Variants in NUP188 observed in about 807,000 individuals in gnomAD.
NUP188 encodes nucleoporin 188.
In NUP188, 97 loss-of-function variants were observed where a neutral mutation model predicts 223.0. The ratio of observed to expected loss-of-function variants is 0.43; its 90% CI spans 0.37 to 0.51. The LOEUF is 0.51. Among genes scored for constraint, NUP188 ranks in the 20% least tolerant of loss-of-function variants. NUP188 has a pLI of 0.00. For missense variants in NUP188, 1,947 were observed against 2,175.6 expected, an observed-to-expected ratio of 0.89 and a Z score of 2.09; for synonymous variants, 869 against 828.0, an observed-to-expected ratio of 1.05 and a Z score of -0.85.
intron 12 of NUP188, among the ~76,000 whole-genome samples, chr9:128,977,183 G>A (rs1427613282): frequency 1.3e-5 from 2 of 148,472 alleles, no homozygotes; most frequent in Admixed American, 1.4e-4. Context: ...GCAGTGGCGC[G>A]ATCTCGGCTC....
intron 2 of NUP188, among the ~76,000 whole-genome samples, chr9:128,950,622 A>G (rs923143123): frequency 2.0e-5 from 3 of 151,908 alleles, no homozygotes; most frequent in African/African-American, 4.8e-5. Flanking sequence ...AGAAGGATCA[A>G]TTGAGTGCAC....
At position 129,002,644 on chromosome 9, in the gene NUP188, T is replaced by C. The variant is rs17452520; in HGVS notation, c.4138-173T>C. The stretch of plus-strand genomic sequence containing the variant: ...TCTTGTGTCTCAGCCTGGTGCTCTT[T>C]CCTTGAATCTGCTGGTGTTGGCCCC... On this transcript the variant is annotated intron_variant, in intron 36 of 43. Coordinates refer to ENST00000372577, the MANE Select transcript of NUP188 (RefSeq NM_015354.3). 2.4e-3 allele frequency among the ~76,000 whole-genome samples: 372 copies of C among 152,354 alleles called. 7 individuals carry two copies. The East Asian group carries it at 0.042, about 17-fold the overall frequency.
chr9:128,964,193 C>A, intron 8 of NUP188: 2 of 301,602 alleles, frequency 6.6e-6, no homozygotes, highest in Admixed American at 4.9e-5. Context: ...CTTACACCTT[C>A]TTCAGTCAAG....
At chr9:128,995,958 T>C (rs1217448960) in intron 30 of NUP188, among the ~76,000 whole-genome samples, 1 of 152,198 alleles carries the variant, frequency 6.6e-6, no homozygotes, top group African/African-American at 2.4e-5. Flanking sequence ...TTCTAGAAAC[T>C]GCATTTCCTG....
chr9:128,999,196 C>T lies in NUP188; in HGVS notation c.3540C>T (p.Ile1180=). 1.2e-6 allele frequency: 2 copies of T among 1,614,100 alleles called. No individual in the cohort carries two copies. Among genetic ancestry groups the T allele is most frequent in the South Asian group, 1.1e-5 (1 of 91,082 alleles). The change falls in exon 33 of 44, where the codon ATC becomes ATT. Residue 1180 remains isoleucine (I), a synonymous_variant. Transcript: ENST00000372577. ...GAGAGTTAGGTTCTGTGGATGAAAT[C>T]CTTGGACCCTTGACGGAGATCCTGG... ...WKRELGSVDE[I]LGPLTEILEG... is the part of the protein sequence containing the mutation.
intron 3 of NUP188, among the ~76,000 whole-genome samples, chr9:128,955,109 C>T (rs978243816): frequency 4.6e-5 from 7 of 152,096 alleles, no homozygotes; most frequent in African/African-American, 1.7e-4. Context: ...CCTCAGCCTC[C>T]CAAAGTGCTG....
At chr9:129,001,442 C>T in intron 34 of NUP188, 87 bp from the exon 35 acceptor site, 1 of 1,289,362 alleles carries the variant, frequency 7.8e-7, no homozygotes, top group East Asian at 2.3e-5. Context: ...CCAAGCAGGT[C>T]TTGGGCAACC....
chr9:128,987,168 T>C (rs933831578), intron 22 of NUP188, among the ~76,000 whole-genome samples: 13 of 151,628 alleles, frequency 8.6e-5, no homozygotes, highest in African/African-American at 3.1e-4. Context: ...AATCATTCTT[T>C]ATGATCGTTA....
intron 33 of NUP188, 39 bp downstream of exon 33, chr9:128,999,356 G>T (rs1391558102): frequency 2.5e-6 from 4 of 1,604,564 alleles, no homozygotes; most frequent in Admixed American, 1.7e-5. Flanking sequence ...GCTGCAGTCT[G>T]CCCACTCCTG....
intron 12 of NUP188, 100 bp downstream of exon 12, chr9:128,973,349 G>A: frequency 2.7e-6 from 2 of 742,454 alleles, no homozygotes; most frequent in South Asian, 1.8e-5. Context: ...TACCTCATGT[G>A]TTAATTTGTT....
Position 128,968,664 on chromosome 9 carries a change from G to A in NUP188, c.744G>A (p.Gln248=). Residue 248 remains glutamine (Q), a synonymous_variant, in exon 9 of 44, where the codon CAG becomes CAA. Transcript: ENST00000372577. The stretch of plus-strand genomic sequence containing the variant: ...AAGAGCAAGGATTTGGTAGTAGGCA[G>A]ACCAATAGGCACCTGGTGGATGAGA... The part of the protein sequence containing the change: ...MFKEQGFGSR[Q]TNRHLVDETM... 1 of 1,614,174 alleles carries A rather than the reference G, an allele frequency of 6.2e-7. No homozygotes were observed.
chr9:128,952,398 C>CAA (rs939252129), intron 2 of NUP188, among the ~76,000 whole-genome samples: 61 of 60,652 alleles, frequency 1.0e-3, no homozygotes, highest in South Asian at 1.1e-3. Context: ...GACTCCGTCT[C>CAA]AAAAAAAAAA....
At chr9:128,961,245 G>T (rs1841946435) in intron 8 of NUP188, among the ~76,000 whole-genome samples, 1 of 150,820 alleles carries the variant, frequency 6.6e-6, no homozygotes, top group Admixed American at 6.6e-5. Context: ...CAGGAGAATT[G>T]CTTGAATCCA....
chr9:128,949,089 G>C, intron 1 of NUP188, 100 bp from the exon 2 acceptor site: 1 of 771,016 alleles, frequency 1.3e-6, no homozygotes, highest in Non-Finnish European at 2.2e-6. Context: ...TGTATATTGA[G>C]ATTTTTTGCT....
Position 128,982,884 on chromosome 9 carries a change from G to T in NUP188, c.1670-18G>T, listed in dbSNP as rs556477968. On this transcript the variant is annotated intron_variant, in intron 16 of 43. Coordinates refer to ENST00000372577, the MANE Select transcript of NUP188 (RefSeq NM_015354.3). ...AGGGGTTGTTTGCCGTGAGGTCACA[G>T]GCTGTCTTTCTTCTCAGATGTGATT... 1.7e-5 allele frequency: 28 copies of T among 1,614,052 alleles called. No homozygotes were observed. In the East Asian group the frequency reaches 5.6e-4, roughly 32 times the overall value.
chr9:128,985,841 C>T (rs1842325100), intron 20 of NUP188, among the ~76,000 whole-genome samples: 1 of 152,122 alleles, frequency 6.6e-6, no homozygotes, highest in Admixed American at 6.6e-5. Flanking sequence ...GAGTTTGAGA[C>T]CAGCCTGGCC....
chr9:128,982,916 T>C lies in NUP188; in HGVS notation c.1684T>C (p.Cys562Arg). 1.9e-6 allele frequency: 3 copies of C among 1,614,224 alleles called. No individual in the cohort carries two copies. Among genetic ancestry groups the C allele is most frequent in the Non-Finnish European group, 2.5e-6 (3 of 1,180,040 alleles). ...TTTCTTCTCAGATGTGATTCAGCAC[T>C]GCCAGCGAGTCAAACCCATCATTGA... ...VVSTADVIQHCQRVKPIIDLV... is the reference protein window; with the variant it reads ...VVSTADVIQHRQRVKPIIDLV... Residue 562 changes from cysteine (C) to arginine (R), a missense_variant, in exon 17 of 44, where the codon TGC (cysteine) becomes CGC (arginine). Transcript: ENST00000372577.
chr9:129,000,476 G>A (rs530651736), intron 34 of NUP188, among the ~76,000 whole-genome samples: 5 of 151,852 alleles, frequency 3.3e-5, no homozygotes, highest in East Asian at 2.0e-4. Flanking sequence ...CTGCCACCAC[G>A]CCCGGCTAAC....
chr9:128,949,133 G>C, intron 1 of NUP188, 56 bp from the exon 2 acceptor site: 1 of 1,308,228 alleles, frequency 7.6e-7, no homozygotes, highest in South Asian at 1.2e-5. Context: ...ATGAGGCAGT[G>C]TACAAGTTTG....
Sources: gnomAD v4.1 joint callset for allele counts (sites outside exome capture counted in the v4.1 genomes callset) on GRCh38, gnomAD v4.1.1 for gene constraint, MANE v1.5 for transcripts, NCBI Gene and HGNC (gene_info 2026-07-23, HGNC 2026-07-21) for gene names.